The following TENM3 variants were observed in gnomAD, a reference collection of about 807,000 sequenced individuals.
The protein encoded by TENM3 is teneurin transmembrane protein 3, also known as teneurin-3.
TENM3 carries 63 observed loss-of-function variants against 255.1 expected under a neutral mutation model. The observed-to-expected ratio is 0.25, with a 90% CI of 0.20 to 0.30. The LOEUF (loss-of-function observed/expected upper bound fraction) is 0.30. Among genes scored for constraint, TENM3 ranks in the 10% least tolerant of loss-of-function variants. The probability of loss-of-function intolerance (pLI) is 1.00; values close to 1 mark genes in which losing one functional copy is unlikely to be tolerated. For missense variants in TENM3, 2,929 were observed against 3,461.1 expected (o/e 0.85, Z 3.86); for synonymous variants, 1,306 against 1,322.3 (o/e 0.99, Z 0.27).
At chr4:182,594,683 GGTGTGTGTGT>G (rs67667219) in intron 3 of TENM3, among the ~76,000 whole-genome samples, 41,724 of 137,932 alleles carry the variant, frequency 0.3, 7,355 homozygotes, top group East Asian at 0.42. Context: ...TTTTTGTTTT[GGTGTGTGTGT>G]GTGTGTGTGT....
chr4:182,389,743 T>C (rs544922060), intron 3 of TENM3, among the ~76,000 whole-genome samples: 5 of 138,440 alleles, frequency 3.6e-5, no homozygotes, highest in East Asian at 2.1e-4. Flanking sequence ...TGGAGTGCAG[T>C]GGCGCGATCT....
At chr4:182,004,669 G>C in the TENM3 span, among the ~76,000 whole-genome samples, 1 of 152,130 alleles carries the variant, frequency 6.6e-6, no homozygotes, top group African/African-American at 2.4e-5. Context: ...CACAATGGTT[G>C]AACTAATTTA....
chr4:182,050,009 T>C, the TENM3 span, among the ~76,000 whole-genome samples: 5,589 of 151,688 alleles, frequency 0.037, 353 homozygotes, highest in African/African-American at 0.13. Context: ...AAATTTTTTT[T>C]TGAGGCGGAG....
the TENM3 span, among the ~76,000 whole-genome samples, chr4:181,738,264 G>A: frequency 2.0e-5 from 3 of 152,160 alleles, no homozygotes; most frequent in African/African-American, 7.2e-5. Context: ...AGTGTATACA[G>A]TAACTGGATT....
chr4:181,879,983 G>C, the TENM3 span, among the ~76,000 whole-genome samples: 5 of 152,148 alleles, frequency 3.3e-5, no homozygotes, highest in Non-Finnish European at 5.9e-5. Flanking sequence ...TTCAACTCTT[G>C]CATAGTCAAT....
the TENM3 span, among the ~76,000 whole-genome samples, chr4:181,789,307 G>T: frequency 6.6e-6 from 1 of 151,264 alleles, no homozygotes; most frequent in East Asian, 1.9e-4. Flanking sequence ...CCAGGCTAGA[G>T]TGCAATGGCA....
At chr4:181,801,177 G>T in the TENM3 span, among the ~76,000 whole-genome samples, 1 of 152,124 alleles carries the variant, frequency 6.6e-6, no homozygotes, top group African/African-American at 2.4e-5. Context: ...GTATGTGTGT[G>T]TCTGGGACTG....
At chr4:182,056,938 G>C in the TENM3 span, among the ~76,000 whole-genome samples, 4 of 151,834 alleles carry the variant, frequency 2.6e-5, no homozygotes, top group African/African-American at 9.7e-5. Context: ...CAGAGTGAAA[G>C]AATATGTTCA....
the TENM3 span, among the ~76,000 whole-genome samples, chr4:181,818,723 C>T: frequency 6.6e-6 from 1 of 151,822 alleles, no homozygotes; most frequent in African/African-American, 2.4e-5. Flanking sequence ...GATTCTCGTG[C>T]CTCAGCCTCC....
At chr4:182,342,797 G>A (rs1764569088) in intron 2 of TENM3, among the ~76,000 whole-genome samples, 1 of 152,124 alleles carries the variant, frequency 6.6e-6, no homozygotes, top group Non-Finnish European at 1.5e-5. Context: ...TCTGAGACTA[G>A]TCCCTCGGGT....
chr4:182,779,638 A>C (rs1406000397), intron 24 of TENM3, among the ~76,000 whole-genome samples: 1 of 152,112 alleles, frequency 6.6e-6, no homozygotes, highest in African/African-American at 2.4e-5. Flanking sequence ...CGCCACACTG[A>C]CTTCCACAAT....
At chr4:182,257,310 G>GTT (rs1758469188) in intron 1 of TENM3, among the ~76,000 whole-genome samples, 1 of 151,992 alleles carries the variant, frequency 6.6e-6, no homozygotes, top group Non-Finnish European at 1.5e-5. Context: ...ATGTGTGTGT[G>GTT]TTTGTGTGTG....
Position 182,485,457 on chromosome 4 carries a change from G to A in TENM3, c.512-115467G>A, listed in dbSNP as rs186044224. Among the ~76,000 whole-genome samples, 93 of 152,076 alleles carry A rather than the reference G, an allele frequency of 6.1e-4. No homozygotes were observed. In the Middle Eastern group the frequency reaches 0.014, roughly 22 times the overall value. ...TGCAATTATACCCAATTTCAATCCTGACCAAGCAATCAATAAATTTAACCA... is the reference window on the plus strand; with the variant it reads ...TGCAATTATACCCAATTTCAATCCTAACCAAGCAATCAATAAATTTAACCA... On this transcript the variant is annotated intron_variant, in intron 3 of 27. Transcript: ENST00000511685.
At chr4:182,364,234 CA>C (rs1391501357) in intron 3 of TENM3, among the ~76,000 whole-genome samples, 1 of 151,958 alleles carries the variant, frequency 6.6e-6, no homozygotes, top group Non-Finnish European at 1.5e-5. Context: ...GTGTTTAAAT[CA>C]ATGCCCTTAA....
At chr4:182,010,138 GCCATCTTGGC>G in the TENM3 span, among the ~76,000 whole-genome samples, 1 of 152,172 alleles carries the variant, frequency 6.6e-6, no homozygotes, top group Non-Finnish European at 1.5e-5. Flanking sequence ...CTTCTAGTCG[GCCATCTTGGC>G]CCCGCCCCCC....
intron 2 of TENM3, among the ~76,000 whole-genome samples, chr4:182,346,015 C>T (rs1005476150): frequency 2.0e-5 from 3 of 152,052 alleles, no homozygotes; most frequent in South Asian, 2.1e-4. Flanking sequence ...ATTTTTTAGA[C>T]GTTATACTCC....
the TENM3 span, among the ~76,000 whole-genome samples, chr4:182,048,664 A>G: frequency 2.0e-5 from 3 of 152,202 alleles, no homozygotes; most frequent in Admixed American, 2.0e-4. Context: ...TTACATATGT[A>G]CCATTCAAGT....
At chr4:182,622,345 C>T (rs1412693740) in intron 4 of TENM3, among the ~76,000 whole-genome samples, 1 of 151,730 alleles carries the variant, frequency 6.6e-6, no homozygotes, top group African/African-American at 2.4e-5. Context: ...AAAACTCTAT[C>T]GCAAAAAAAA....
At chr4:181,641,453 G>A in the TENM3 span, among the ~76,000 whole-genome samples, 1 of 148,298 alleles carries the variant, frequency 6.7e-6, no homozygotes, top group Non-Finnish European at 1.5e-5. Context: ...CTGTTCTTGT[G>A]TTAATTTGCT....
Sources: gnomAD v4.1 joint callset for allele counts (sites outside exome capture counted in the v4.1 genomes callset) on GRCh38, gnomAD v4.1.1 for gene constraint, MANE v1.5 for transcripts, NCBI Gene and HGNC (gene_info 2026-07-23, HGNC 2026-07-21) for gene names.